Variants in COL6A5 observed in about 807,000 individuals in gnomAD.
COL6A5 encodes the protein collagen alpha-5(VI) chain.
In COL6A5, 48 loss-of-function variants were observed where a neutral mutation model predicts 65.6. That is an observed-to-expected ratio of 0.73 (90% CI 0.58 to 0.93). The LOEUF is 0.93. COL6A5 is among the 40% of genes least tolerant of loss of function. The probability of loss-of-function intolerance (pLI) is 0.00; values close to 1 mark genes in which losing one functional copy is unlikely to be tolerated. For synonymous variants in COL6A5, 291 were observed against 322.8 expected (o/e 0.90, Z 1.05); for missense variants, 914 against 928.3 (o/e 0.98, Z 0.20).
At chr3:130,405,916 A>C in intron 14 of COL6A5, 77 bp from the exon 15 acceptor site, 1 of 1,371,760 alleles carries the variant, frequency 7.3e-7, no homozygotes, top group African/African-American at 1.4e-5. Context: ...ATACATGCTC[A>C]CTCACTTTAG....
At chr3:130,376,941 TGAAG>T in intron 3 of COL6A5, 105 bp downstream of exon 3, 5 of 1,295,710 alleles carry the variant, frequency 3.9e-6, no homozygotes, top group South Asian at 3.2e-5. Flanking sequence ...TTAGCCATGT[TGAAG>T]TATTGGAAAC....
intron 29 of COL6A5, among the ~76,000 whole-genome samples, chr3:130,424,484 C>T (rs1467795174): frequency 6.6e-6 from 1 of 152,098 alleles, no homozygotes; most frequent in Non-Finnish European, 1.5e-5. Flanking sequence ...ACATGTCTGT[C>T]TCTCCTAACA....
At chr3:130,455,505 G>T (rs920629957) in exon 5 of COL6A5, 2 of 1,612,588 alleles carry the variant, frequency 1.2e-6, no homozygotes, top group Admixed American at 1.7e-5. Context: ...GGCTTCATTG[G>T]CCAAGAATTA....
rs373759968 is a variant in COL6A5, at chr3:130,451,280, A to G, written c.1333-4175A>G. Among the ~76,000 whole-genome samples the G allele has an allele frequency of 1.1e-4, 16 of 152,182 alleles. No individual in the cohort carries two copies. The East Asian group carries it at 1.7e-3, about 17-fold the overall frequency. ...GAAGTTTGAAGAGTAGGCATCTGAGATGGAGTTGGCGTAGAAGTGACAGGA... is the reference window on the plus strand; with the variant it reads ...GAAGTTTGAAGAGTAGGCATCTGAGGTGGAGTTGGCGTAGAAGTGACAGGA... On this transcript the variant is annotated intron_variant, in intron 4 of 7. Transcript: ENST00000512836.
chr3:130,373,388 G>A (rs1935636725), intron 1 of COL6A5, among the ~76,000 whole-genome samples: 1 of 152,132 alleles, frequency 6.6e-6, no homozygotes, highest in Non-Finnish European at 1.5e-5. Context: ...GATGACACTT[G>A]TCAAGCACTG....
At chr3:130,449,173 A>C (rs1709370799) in intron 4 of COL6A5, among the ~76,000 whole-genome samples, 1 of 152,154 alleles carries the variant, frequency 6.6e-6, no homozygotes, top group Non-Finnish European at 1.5e-5. Flanking sequence ...GGTATGTCGG[A>C]TTTCCATTGT....
At chr3:130,374,885 G>C (rs901054707) in intron 2 of COL6A5, among the ~76,000 whole-genome samples, 10 of 152,104 alleles carry the variant, frequency 6.6e-5, no homozygotes, top group Non-Finnish European at 1.5e-4. Flanking sequence ...GTCTGTATAG[G>C]AAAAGCGAGA....
exon 3 of COL6A5, chr3:130,440,189 A>G (rs771051341): frequency 1.9e-6 from 3 of 1,611,804 alleles, no homozygotes; most frequent in African/African-American, 2.7e-5. Context: ...AAATGCTTGC[A>G]TTCGAGAGGC....
upstream of COL6A5, among the ~76,000 whole-genome samples, chr3:130,429,750 C>T (rs1278414292): frequency 6.6e-6 from 1 of 152,152 alleles, no homozygotes; most frequent in Non-Finnish European, 1.5e-5. Flanking sequence ...CATGATTGAC[C>T]TGTTTATGAA....
chr3:130,408,433 G>C (rs149381358), intron 17 of COL6A5, among the ~76,000 whole-genome samples: 11,781 of 152,166 alleles, frequency 0.077, 557 homozygotes, highest in East Asian at 0.17. Context: ...TAGTCAGACT[G>C]GTTGTCTGCT....
chr3:130,385,288 G>T, exon 5 of COL6A5: 1 of 1,550,894 alleles, frequency 6.4e-7, no homozygotes, highest in Non-Finnish European at 8.7e-7. Context: ...AAGAAGAAAG[G>T]GTTAGCTTTG....
At chr3:130,440,905 T>C in intron 3 of COL6A5, 80 bp downstream of exon 35, 1 of 1,030,678 alleles carries the variant, frequency 9.7e-7, no homozygotes, top group Non-Finnish European at 1.4e-6. Context: ...TATTTTTGTA[T>C]CTATAGCTAA....
chr3:130,382,819 C>G (rs751947726), intron 4 of COL6A5, among the ~76,000 whole-genome samples: 2 of 152,090 alleles, frequency 1.3e-5, no homozygotes, highest in African/African-American at 2.4e-5. Context: ...TAACCAAACT[C>G]AAGCGACTGA....
intron 4 of COL6A5, among the ~76,000 whole-genome samples, chr3:130,451,017 C>T (rs1462705530): frequency 6.6e-6 from 1 of 152,018 alleles, no homozygotes; most frequent in Non-Finnish European, 1.5e-5. Flanking sequence ...GCCAAAAGGT[C>T]CCAATCTAAA....
chr3:130,471,425 C>T (rs193300335), intron 7 of COL6A5, among the ~76,000 whole-genome samples: 2 of 152,168 alleles, frequency 1.3e-5, no homozygotes, highest in East Asian at 3.9e-4. Context: ...TTACAAAGTA[C>T]AACCCTAAGT....
At chr3:130,407,570 G>C (rs147991015) in intron 17 of COL6A5, among the ~76,000 whole-genome samples, 19 of 152,348 alleles carry the variant, frequency 1.2e-4, no homozygotes, top group African/African-American at 4.6e-4. Context: ...TGCTAAGGGT[G>C]TAGCGGGGTT....
intron 3 of COL6A5, among the ~76,000 whole-genome samples, chr3:130,378,267 A>G (rs1008762105): frequency 3.3e-5 from 5 of 152,028 alleles, no homozygotes; most frequent in African/African-American, 1.2e-4. Context: ...TTTTCCCACT[A>G]TCTTCCCTAT....
intron 7 of COL6A5, among the ~76,000 whole-genome samples, chr3:130,476,157 A>G (rs950797461): frequency 6.6e-6 from 1 of 152,100 alleles, no homozygotes. Flanking sequence ...GTGCCAGCCT[A>G]TAAGGTTCTT....
exon 5 of COL6A5, chr3:130,384,814 T>A (rs1485103624): frequency 1.3e-6 from 2 of 1,543,982 alleles, no homozygotes; most frequent in Non-Finnish European, 8.7e-7. Flanking sequence ...GCTGTGTGGA[T>A]ACAAAAGAGG....
Sources: allele counts gnomAD v4.1 joint callset (sites outside exome capture counted in the v4.1 genomes callset), GRCh38; gene constraint gnomAD v4.1.1; transcripts MANE v1.5; gene names NCBI Gene and HGNC (gene_info 2026-07-23, HGNC 2026-07-21).